The following FAT3 variants were observed in gnomAD, a reference collection of about 807,000 sequenced individuals.
FAT3 encodes FAT atypical cadherin 3.
A neutral mutation model predicts 310.2 loss-of-function variants in FAT3; 95 were observed. The observed-to-expected ratio is 0.31, with a 90% CI of 0.26 to 0.36. FAT3 has a LOEUF of 0.36. Ranked by LOEUF, FAT3 falls within the 10% of genes least tolerant of loss-of-function variation. The pLI, the probability that FAT3 is intolerant of heterozygous loss-of-function variation, is 1.00. For missense variants in FAT3, 5,408 were observed against 5,715.6 expected (o/e 0.95, Z 1.74); for synonymous variants, 2,314 against 2,192.9 (o/e 1.06, Z -1.54).
intron 22 of FAT3, among the ~76,000 whole-genome samples, chr11:92,873,996 A>G (rs1156628722): frequency 6.6e-6 from 1 of 152,210 alleles, no homozygotes; most frequent in East Asian, 1.9e-4. Flanking sequence ...TATAATAACA[A>G]TACTTATGGC....
At chr11:92,299,461 A>C (rs1946934478) in intron 1 of FAT3, among the ~76,000 whole-genome samples, 1 of 152,256 alleles carries the variant, frequency 6.6e-6, no homozygotes, top group East Asian at 1.9e-4. Context: ...TCCAAAGGCC[A>C]TTAAGGCTGC....
At chr11:92,584,350 T>A (rs908808590) in intron 3 of FAT3, among the ~76,000 whole-genome samples, 1 of 152,030 alleles carries the variant, frequency 6.6e-6, no homozygotes, top group Admixed American at 6.6e-5. Flanking sequence ...AATCATTTTT[T>A]AAAAAATGAT....
At chr11:92,436,510 TCTA>T (rs1565315819) in intron 2 of FAT3, among the ~76,000 whole-genome samples, 2 of 152,152 alleles carry the variant, frequency 1.3e-5, no homozygotes, top group Admixed American at 6.5e-5. Flanking sequence ...GGGACAGGTT[TCTA>T]CCCTGTAGAC....
At chr11:92,395,798 C>T (rs568212078) in intron 2 of FAT3, among the ~76,000 whole-genome samples, 2 of 152,002 alleles carry the variant, frequency 1.3e-5, no homozygotes, top group Admixed American at 6.6e-5. Flanking sequence ...AGGCTGGTCT[C>T]GAACTCCTGA....
chr11:92,227,914 GT>G (rs202007490), intron 1 of FAT3, among the ~76,000 whole-genome samples: 3 of 120,822 alleles, frequency 2.5e-5, no homozygotes, highest in African/African-American at 8.5e-5. Flanking sequence ...AGTGGGGGAA[GT>G]TTTTTTTATT....
intron 21 of FAT3, 138 bp downstream of exon 21, chr11:92,859,460 C>A: frequency 1.2e-6 from 1 of 868,060 alleles, no homozygotes; most frequent in Non-Finnish European, 1.6e-6. Flanking sequence ...AGGGGAGCAG[C>A]GGCAGAACTG....
At chr11:92,467,667 C>T (rs961578737) in intron 2 of FAT3, among the ~76,000 whole-genome samples, 2 of 152,174 alleles carry the variant, frequency 1.3e-5, no homozygotes, top group Non-Finnish European at 2.9e-5. Context: ...CCTGTGCCAC[C>T]TGCTCTGTAT....
At chr11:92,736,992 A>G (rs1945367744) in intron 4 of FAT3, among the ~76,000 whole-genome samples, 1 of 152,156 alleles carries the variant, frequency 6.6e-6, no homozygotes, top group Admixed American at 6.6e-5. Context: ...GGGAGAAGAA[A>G]GAGCCTTAAC....
intron 1 of FAT3, among the ~76,000 whole-genome samples, chr11:92,309,934 G>A (rs150235888): frequency 1.3e-5 from 2 of 151,720 alleles, no homozygotes; most frequent in East Asian, 1.9e-4. Flanking sequence ...GTTAGTGCTC[G>A]ACTTCTGTAG....
At chr11:92,705,278 C>T (rs912895015) in intron 4 of FAT3, among the ~76,000 whole-genome samples, 1 of 150,270 alleles carries the variant, frequency 6.7e-6, no homozygotes, top group African/African-American at 2.5e-5. Context: ...CCAAGTCTAG[C>T]TAAACAAGGA....
chr11:92,229,490 G>GTTTTTTTTTTTTTTTTTTTTTTTTTT lies in FAT3; in HGVS notation c.-18+4317_-18+4318insTTTTTTTTTTTTTTTTTTTTTTTTTT. Reference sequence around the variant, plus strand: ...CCTTGTTTTCTTTTTTTGTTTTTTCGTGTTTTTTTTTTTTTTGTTTTTTGT... The same window carrying GTTTTTTTTTTTTTTTTTTTTTTTTTT: ...CCTTGTTTTCTTTTTTTGTTTTTTCGTTTTTTTTTTTTTTTTTTTTTTTTTTTGTTTTTTTTTTTTTTGTTTTTTGT... On this transcript the variant is annotated intron_variant, in intron 1 of 27. Transcript: ENST00000525166. 4.5e-4 allele frequency among the ~76,000 whole-genome samples: 21 copies of GTTTTTTTTTTTTTTTTTTTTTTTTTT among 46,840 alleles called. 2 individuals carry two copies. Among genetic ancestry groups the GTTTTTTTTTTTTTTTTTTTTTTTTTT allele is most frequent in the Non-Finnish European group, 4.9e-4 (11 of 22,432 alleles). The allele number at this position is 46,840 out of a possible 152,430, so 30.7% of individuals were successfully genotyped here. A position where few individuals can be genotyped will look rare whatever the true frequency, so the allele number is the denominator to read the frequency against.
chr11:92,420,992 A>G (rs974615804), intron 2 of FAT3, among the ~76,000 whole-genome samples: 3 of 152,264 alleles, frequency 2.0e-5, no homozygotes, highest in South Asian at 2.1e-4. Context: ...TTTGTTTATT[A>G]ACTTTCTCAT....
At chr11:92,871,291 A>G (rs2399591) in intron 22 of FAT3, among the ~76,000 whole-genome samples, 115,547 of 152,154 alleles carry the variant, frequency 0.76, 44,303 homozygotes, top group Middle Eastern at 0.86. Context: ...CCAGGTTTGT[A>G]GACCCCTTCC....
At chr11:92,576,621 T>A (rs688582) in intron 3 of FAT3, among the ~76,000 whole-genome samples, 112,768 of 152,002 alleles carry the variant, frequency 0.74, 44,095 homozygotes, top group Non-Finnish European at 0.88. Flanking sequence ...CTCTGTGGAA[T>A]ACCTCCTCTG....
chr11:92,336,053 C>T, intron 1 of FAT3: 1 of 502,278 alleles, frequency 2.0e-6, no homozygotes. Flanking sequence ...CCTCTGGCAA[C>T]TGGATCGTGC....
intron 20 of FAT3, among the ~76,000 whole-genome samples, chr11:92,857,855 G>A (rs911879351): frequency 6.6e-6 from 1 of 152,086 alleles, no homozygotes; most frequent in African/African-American, 2.4e-5. Flanking sequence ...GTTCCAGCTG[G>A]AGAGGTGCTC....
chr11:92,256,562 A>C (rs949245321), intron 1 of FAT3, among the ~76,000 whole-genome samples: 2 of 152,154 alleles, frequency 1.3e-5, no homozygotes, highest in Admixed American at 6.6e-5. Flanking sequence ...AACCAAAAGA[A>C]AATCCATGTA....
At chr11:92,307,022 C>T (rs1947160065) in intron 1 of FAT3, among the ~76,000 whole-genome samples, 1 of 151,224 alleles carries the variant, frequency 6.6e-6, no homozygotes, top group Non-Finnish European at 1.5e-5. Flanking sequence ...ATCTCCAACT[C>T]TTGGGGTCAA....
At chr11:92,296,342 T>C (rs1438857577) in intron 1 of FAT3, among the ~76,000 whole-genome samples, 1 of 152,114 alleles carries the variant, frequency 6.6e-6, no homozygotes, top group African/African-American at 2.4e-5. Flanking sequence ...TCAGCTTCCA[T>C]CTCTGGGAAG....
Sources: gnomAD v4.1 joint callset for allele counts (sites outside exome capture counted in the v4.1 genomes callset) on GRCh38, gnomAD v4.1.1 for gene constraint, MANE v1.5 for transcripts, NCBI Gene and HGNC (gene_info 2026-07-23, HGNC 2026-07-21) for gene names.